The following ALK variants were observed in gnomAD, a reference collection of about 807,000 sequenced individuals.
ALK encodes ALK tyrosine kinase receptor.
ALK carries 74 observed loss-of-function variants against 163.1 expected under a neutral mutation model. That is an observed-to-expected ratio of 0.45 (90% confidence interval 0.38 to 0.55). The LOEUF (loss-of-function observed/expected upper bound fraction) is 0.55. ALK is among the 20% of genes least tolerant of loss of function. The probability of loss-of-function intolerance (pLI) is 0.00; values close to 1 mark genes in which losing one functional copy is unlikely to be tolerated. For synonymous variants in ALK, 960 were observed against 843.2 expected (o/e 1.14, Z -2.40); for missense variants, 2,063 against 2,105.3 (o/e 0.98, Z 0.39).
At chr2:29,238,973 T>C (rs1664451559) in intron 13 of ALK, among the ~76,000 whole-genome samples, 1 of 152,216 alleles carries the variant, frequency 6.6e-6, no homozygotes, top group Admixed American at 6.5e-5. Flanking sequence ...AGGAATTACA[T>C]TAGCACTCAA....
At chr2:29,294,466 T>A (rs1666124760) in intron 9 of ALK, among the ~76,000 whole-genome samples, 1 of 152,224 alleles carries the variant, frequency 6.6e-6, no homozygotes, top group Non-Finnish European at 1.5e-5. Context: ...TTATTAGTAG[T>A]TGAGCATTTA....
At chr2:29,813,112 C>A (rs1424277688) in intron 1 of ALK, among the ~76,000 whole-genome samples, 1 of 152,134 alleles carries the variant, frequency 6.6e-6, no homozygotes, top group Non-Finnish European at 1.5e-5. Flanking sequence ...GATGAAGACA[C>A]CATCAAGAAA....
intron 5 of ALK, among the ~76,000 whole-genome samples, chr2:29,379,858 T>A (rs1018669378): frequency 5.3e-5 from 8 of 152,062 alleles, no homozygotes; most frequent in Non-Finnish European, 8.8e-5. Flanking sequence ...GTCAGAAGGG[T>A]ATATCCAAGA....
At position 29,517,279 on chromosome 2, in the gene ALK, G is replaced by A. The variant is rs75296289; in HGVS notation, c.1154+14636C>T. Among the ~76,000 whole-genome samples the A allele has an allele frequency of 4.1e-4, 62 of 152,190 alleles. 1 individual carries two copies. In the East Asian group the frequency reaches 6.8e-3, roughly 17 times the overall value. ...CTCCCCCAGAAGGTGCCATCCTTAC[G>A]TTGCTGATAATCATACATCTCAGAG... On this transcript the variant is annotated intron_variant, in intron 4 of 28. Coordinates refer to ENST00000389048, the MANE Select transcript of ALK (RefSeq NM_004304.5).
chr2:29,518,778 C>T (rs1267185636), intron 4 of ALK, among the ~76,000 whole-genome samples: 1 of 152,126 alleles, frequency 6.6e-6, no homozygotes, highest in Non-Finnish European at 1.5e-5. Context: ...AGACAGACTG[C>T]CTTGTTAGGA....
At chr2:29,261,237 G>T (rs1665081290) in intron 11 of ALK, among the ~76,000 whole-genome samples, 2 of 152,166 alleles carry the variant, frequency 1.3e-5, no homozygotes, top group Admixed American at 6.5e-5. Context: ...TACCATGCAG[G>T]TCTTGTGGTT....
At chr2:29,395,418 G>A (rs899908957) in intron 4 of ALK, among the ~76,000 whole-genome samples, 8 of 152,172 alleles carry the variant, frequency 5.3e-5, no homozygotes, top group African/African-American at 9.7e-5. Flanking sequence ...CTGCTAGAGA[G>A]GGTCCCCCAC....
chr2:29,548,295 A>AAAT (rs1202638493), intron 3 of ALK, among the ~76,000 whole-genome samples: 3 of 152,106 alleles, frequency 2.0e-5, no homozygotes, highest in Non-Finnish European at 4.4e-5. Flanking sequence ...AACACGGTGA[A>AAAT]ACCCTGTCTC....
chr2:29,904,294 G>GCATA (rs1475737322), intron 1 of ALK, among the ~76,000 whole-genome samples: 4 of 152,154 alleles, frequency 2.6e-5, no homozygotes, highest in African/African-American at 7.2e-5. Flanking sequence ...CTTAGGCAAT[G>GCATA]CATAATGGGA....
chr2:29,343,682 GA>G (rs1401733619), intron 5 of ALK, among the ~76,000 whole-genome samples: 1 of 152,192 alleles, frequency 6.6e-6, no homozygotes, highest in East Asian at 1.9e-4. Context: ...TGTGCAGGAA[GA>G]AAGTGTTAGG....
At chr2:29,418,689 A>T (rs1032353885) in intron 4 of ALK, among the ~76,000 whole-genome samples, 14 of 152,228 alleles carry the variant, frequency 9.2e-5, no homozygotes, top group Non-Finnish European at 1.8e-4. Context: ...AATGGCCTCC[A>T]GTTCCATCCA....
At chr2:29,716,994 TCCAAAAAAAAAA>T (rs1410569387) in intron 2 of ALK, among the ~76,000 whole-genome samples, 3 of 98,588 alleles carry the variant, frequency 3.0e-5, no homozygotes, top group South Asian at 3.6e-4. Context: ...CTACCAAAAA[TCCAAAAAAAAAA>T]AAAAAAAAAA....
chr2:29,679,133 A>G (rs1473661650), intron 3 of ALK, among the ~76,000 whole-genome samples: 2 of 151,828 alleles, frequency 1.3e-5, no homozygotes, highest in East Asian at 3.9e-4. Flanking sequence ...ACTGTTTAGT[A>G]TATTTTTGTC....
intron 5 of ALK, among the ~76,000 whole-genome samples, chr2:29,330,100 TG>T (rs1394850247): frequency 6.6e-6 from 1 of 152,154 alleles, no homozygotes; most frequent in East Asian, 1.9e-4. Context: ...TGCCTCCTAC[TG>T]GGCATTCTCT....
chr2:29,531,497 T>C (rs1346125779), intron 4 of ALK, among the ~76,000 whole-genome samples: 1 of 152,224 alleles, frequency 6.6e-6, no homozygotes, highest in East Asian at 1.9e-4. Flanking sequence ...TAGAACCCGC[T>C]TGGATGGCCA....
chr2:29,462,083 C>T (rs1464831324), intron 4 of ALK, among the ~76,000 whole-genome samples: 1 of 152,042 alleles, frequency 6.6e-6, no homozygotes, highest in African/African-American at 2.4e-5. Context: ...TAGAAGGAGA[C>T]TCCAAAGATG....
At chr2:29,840,191 T>C (rs1031863918) in intron 1 of ALK, among the ~76,000 whole-genome samples, 1 of 152,204 alleles carries the variant, frequency 6.6e-6, no homozygotes, top group African/African-American at 2.4e-5. Flanking sequence ...TCACTTACTA[T>C]GTGACAGGCA....
chr2:29,359,295 C>A (rs920089076), intron 5 of ALK, among the ~76,000 whole-genome samples: 2 of 152,130 alleles, frequency 1.3e-5, no homozygotes, highest in Non-Finnish European at 2.9e-5. Context: ...GGGTATTATT[C>A]AGGGTGGCCC....
intron 1 of ALK, among the ~76,000 whole-genome samples, chr2:29,813,194 C>T (rs1664800633): frequency 6.6e-6 from 1 of 152,192 alleles, no homozygotes. Context: ...CACATTCATG[C>T]CTTTCTCCAG....
Sources: gnomAD v4.1 joint callset for allele counts (sites outside exome capture counted in the v4.1 genomes callset) on GRCh38, gnomAD v4.1.1 for gene constraint, MANE v1.5 for transcripts, NCBI Gene and HGNC (gene_info 2026-07-23, HGNC 2026-07-21) for gene names.